Variants in CTNND2 observed in about 807,000 individuals in gnomAD.
The protein encoded by CTNND2 is catenin delta 2.
CTNND2 carries 22 observed loss-of-function variants against 144.4 expected under a neutral mutation model. That is an observed-to-expected ratio of 0.15 (90% confidence interval 0.11 to 0.22). The LOEUF is 0.22. CTNND2 is among the 10% of genes least tolerant of loss of function. The pLI, the probability that CTNND2 is intolerant of heterozygous loss-of-function variation, is 1.00. For synonymous variants in CTNND2, 751 were observed against 695.6 expected (o/e 1.08, Z -1.25); for missense variants, 1,353 against 1,618.8 (o/e 0.84, Z 2.82).
rs25928 is a variant in CTNND2, at chr5:11,511,618, T to A, written c.287+53326A>T. ...AAACATGCATCTTATCCCAAATAAT[T>A]ATTATTTTTTTATTTTATCCTACCT... is the stretch of plus-strand genomic sequence containing the variant. On this transcript the variant is annotated intron_variant, in intron 3 of 21. Coordinates refer to ENST00000304623, the MANE Select transcript of CTNND2 (RefSeq NM_001332.4). 8.4e-3 allele frequency among the ~76,000 whole-genome samples: 1,280 copies of A among 152,298 alleles called. 12 individuals are homozygous for A. Among genetic ancestry groups the A allele is most frequent in the African/African-American group, 0.024 (995 of 41,568 alleles).
chr5:11,590,587 C>T (rs1581574405), intron 2 of CTNND2, among the ~76,000 whole-genome samples: 1 of 151,968 alleles, frequency 6.6e-6, no homozygotes, highest in African/African-American at 2.4e-5. Flanking sequence ...ACATCCTCCC[C>T]GCCCTTGTGA....
At chr5:11,294,498 T>G (rs1241519600) in intron 9 of CTNND2, among the ~76,000 whole-genome samples, 3 of 152,112 alleles carry the variant, frequency 2.0e-5, no homozygotes, top group African/African-American at 7.2e-5. Flanking sequence ...TTGTTACCAA[T>G]AACAAATATG....
chr5:11,231,255 G>A (rs1297284489), intron 10 of CTNND2, among the ~76,000 whole-genome samples: 1 of 152,082 alleles, frequency 6.6e-6, no homozygotes, highest in Admixed American at 6.6e-5. Context: ...TGAGTAGATT[G>A]GTACCAGGAG....
chr5:11,683,527 A>T (rs1258582022), intron 2 of CTNND2, among the ~76,000 whole-genome samples: 1 of 152,194 alleles, frequency 6.6e-6, no homozygotes, highest in Admixed American at 6.5e-5. Flanking sequence ...CCATAGCACA[A>T]CCTAAGTTGG....
intron 2 of CTNND2, among the ~76,000 whole-genome samples, chr5:11,677,879 C>G (rs569900493): frequency 6.6e-6 from 1 of 152,196 alleles, no homozygotes; most frequent in Admixed American, 6.5e-5. Context: ...GAATCTGATT[C>G]AGGAAGTATC....
intron 9 of CTNND2, among the ~76,000 whole-genome samples, chr5:11,333,457 G>A (rs187851151): frequency 5.8e-4 from 88 of 152,178 alleles, no homozygotes; most frequent in African/African-American, 2.0e-3. Context: ...TAGAGACAGG[G>A]TTTTGCCATA....
chr5:11,252,380 G>A (rs1580714681), intron 9 of CTNND2, among the ~76,000 whole-genome samples: 1 of 152,254 alleles, frequency 6.6e-6, no homozygotes, highest in African/African-American at 2.4e-5. Context: ...GTGGGGGGGA[G>A]ATTATACCTT....
chr5:11,871,508 A>T (rs1735123401), intron 1 of CTNND2, among the ~76,000 whole-genome samples: 1 of 152,226 alleles, frequency 6.6e-6, no homozygotes, highest in African/African-American at 2.4e-5. Flanking sequence ...CTATCATATT[A>T]GAGGCAGCCT....
chr5:11,190,545 C>G (rs574826389), intron 11 of CTNND2, among the ~76,000 whole-genome samples: 2 of 152,202 alleles, frequency 1.3e-5, no homozygotes, highest in Non-Finnish European at 2.9e-5. Flanking sequence ...CAACCCAACC[C>G]CTAGCAGTAA....
At chr5:11,043,975 C>T (rs574977033) in intron 16 of CTNND2, among the ~76,000 whole-genome samples, 1 of 152,318 alleles carries the variant, frequency 6.6e-6, no homozygotes, top group African/African-American at 2.4e-5. Flanking sequence ...GTCTCCCTCA[C>T]TAGGGAGCCC....
intron 3 of CTNND2, among the ~76,000 whole-genome samples, chr5:11,511,180 G>C (rs1184037018): frequency 6.6e-6 from 1 of 152,146 alleles, no homozygotes; most frequent in Non-Finnish European, 1.5e-5. Context: ...CAGCATTTCT[G>C]TCATGCTTTC....
intron 12 of CTNND2, among the ~76,000 whole-genome samples, chr5:11,130,413 G>A (rs754929060): frequency 6.6e-6 from 1 of 152,150 alleles, no homozygotes; most frequent in South Asian, 2.1e-4. Flanking sequence ...GAGAAGCCCA[G>A]AGCGGAACCA....
intron 1 of CTNND2, among the ~76,000 whole-genome samples, chr5:11,872,190 G>A (rs138906230): frequency 2.0e-3 from 297 of 152,162 alleles, no homozygotes; most frequent in Non-Finnish European, 3.5e-3. Flanking sequence ...GGCTTCATCC[G>A]TGTCCCTGCA....
At chr5:11,867,131 T>C (rs1357594689) in intron 1 of CTNND2, among the ~76,000 whole-genome samples, 3 of 152,220 alleles carry the variant, frequency 2.0e-5, no homozygotes, top group Non-Finnish European at 4.4e-5. Flanking sequence ...ACTATCCAGC[T>C]GGTTGGCTGG....
intron 8 of CTNND2, among the ~76,000 whole-genome samples, chr5:11,361,422 T>C (rs2149765647): frequency 6.6e-6 from 1 of 152,308 alleles, no homozygotes; most frequent in African/African-American, 2.4e-5. Context: ...TCCCAAAGTG[T>C]TGAAATGATA....
intron 3 of CTNND2, among the ~76,000 whole-genome samples, chr5:11,503,646 T>G (rs529498686): frequency 6.0e-4 from 92 of 152,316 alleles, no homozygotes; most frequent in African/African-American, 2.1e-3. Context: ...GCTTTAGTCA[T>G]GACGGTGCAA....
chr5:11,323,237 G>A (rs1443575499), intron 9 of CTNND2, among the ~76,000 whole-genome samples: 1 of 146,544 alleles, frequency 6.8e-6, no homozygotes, highest in East Asian at 2.2e-4. Context: ...AGATTGGGGG[G>A]GGGGGTCTCA....
intron 3 of CTNND2, among the ~76,000 whole-genome samples, chr5:11,445,343 C>T (rs771981696): frequency 1.8e-4 from 28 of 152,204 alleles, no homozygotes; most frequent in Non-Finnish European, 3.1e-4. Flanking sequence ...AACTTGATTA[C>T]ATCTGCAAAG....
chr5:11,196,979 G>A (rs1168021085), intron 11 of CTNND2, among the ~76,000 whole-genome samples: 1 of 152,204 alleles, frequency 6.6e-6, no homozygotes, highest in Admixed American at 6.5e-5. Flanking sequence ...CTGTGCAGAT[G>A]TCAGCTGAGT....
Sources: gnomAD v4.1 joint callset for allele counts (sites outside exome capture counted in the v4.1 genomes callset) on GRCh38, gnomAD v4.1.1 for gene constraint, MANE v1.5 for transcripts, NCBI Gene and HGNC (gene_info 2026-07-23, HGNC 2026-07-21) for gene names.